Variants in DLG2 observed in about 807,000 individuals in gnomAD.
DLG2 encodes the protein disks large homolog 2.
Under a neutral mutation model 132.5 loss-of-function variants are expected in DLG2, and 45 were observed. That is an observed-to-expected ratio of 0.34 (90% CI 0.27 to 0.44). DLG2 has a LOEUF of 0.44. DLG2 is among the 20% of genes least tolerant of loss of function. DLG2 has a pLI of 1.00. For synonymous variants in DLG2, 424 were observed against 419.6 expected (o/e 1.01, Z -0.13); for missense variants, 1,045 against 1,196.9 (o/e 0.87, Z 1.87).
chr11:83,735,530 G>A lies in DLG2; in HGVS notation c.1825+51160C>T, dbSNP rs187934595. On this transcript the variant is annotated intron_variant, in intron 18 of 27. Transcript: ENST00000376104. ...TTTACCATTATCCCTTCTATTTGTT[G>A]CAGATAATTTTGTTAACTCTTGGTG... Among the ~76,000 whole-genome samples the A allele has an allele frequency of 4.1e-3, 623 of 152,166 alleles. 4 individuals carry two copies. The highest frequency in any genetic ancestry group is 0.012 in the African/African-American group (511 of 41,534).
chr11:84,993,872 T>C (rs1003990204), intron 6 of DLG2, among the ~76,000 whole-genome samples: 4 of 151,962 alleles, frequency 2.6e-5, no homozygotes, highest in African/African-American at 4.8e-5. Context: ...CGTTTATTCA[T>C]CCATCTCCAA....
intron 22 of DLG2, among the ~76,000 whole-genome samples, chr11:83,481,310 A>G (rs2093083044): frequency 6.6e-6 from 1 of 152,098 alleles, no homozygotes; most frequent in South Asian, 2.1e-4. Flanking sequence ...TCGCTCATCC[A>G]TACTGCTTGT....
chr11:84,969,856 T>C (rs564908640), intron 6 of DLG2, among the ~76,000 whole-genome samples: 5 of 152,332 alleles, frequency 3.3e-5, no homozygotes, highest in African/African-American at 1.2e-4. Flanking sequence ...GATGAGTTCA[T>C]GTCCTTTGCA....
chr11:85,527,249 T>C (rs1185460136), intron 3 of DLG2, among the ~76,000 whole-genome samples: 1 of 151,894 alleles, frequency 6.6e-6, no homozygotes. Flanking sequence ...TACATAGATA[T>C]ACATATGCTA....
At chr11:85,572,696 C>T (rs931153833) in intron 3 of DLG2, among the ~76,000 whole-genome samples, 5 of 151,864 alleles carry the variant, frequency 3.3e-5, no homozygotes, top group Non-Finnish European at 5.9e-5. Context: ...CAGGAAACTG[C>T]ACCCATTTGA....
At chr11:85,383,341 G>T (rs1596718532) in intron 3 of DLG2, among the ~76,000 whole-genome samples, 1 of 152,072 alleles carries the variant, frequency 6.6e-6, no homozygotes, top group East Asian at 1.9e-4. Context: ...CTACTAAGGG[G>T]TCTGAGGATC....
chr11:84,578,904 G>A (rs1273777149), intron 6 of DLG2, among the ~76,000 whole-genome samples: 1 of 152,064 alleles, frequency 6.6e-6, no homozygotes, highest in Non-Finnish European at 1.5e-5. Context: ...GCACCCAGGG[G>A]GAGGTAATTG....
At chr11:84,409,594 T>C (rs769298153) in intron 7 of DLG2, among the ~76,000 whole-genome samples, 2 of 152,218 alleles carry the variant, frequency 1.3e-5, no homozygotes, top group African/African-American at 2.4e-5. Context: ...ATTTTAAAGA[T>C]AAAGACAATA....
intron 7 of DLG2, among the ~76,000 whole-genome samples, chr11:84,460,039 C>T (rs1189233823): frequency 2.0e-5 from 3 of 150,556 alleles, no homozygotes; most frequent in African/African-American, 7.3e-5. Context: ...TAGTGTCCTT[C>T]TATTTTAGGT....
intron 16 of DLG2, among the ~76,000 whole-genome samples, chr11:83,857,291 G>A (rs1199817865): frequency 1.3e-5 from 2 of 152,068 alleles, no homozygotes; most frequent in African/African-American, 4.8e-5. Context: ...GATTGTTTTG[G>A]TTATTAAGGA....
chr11:84,881,708 G>T (rs1365680644), intron 6 of DLG2, among the ~76,000 whole-genome samples: 1 of 152,096 alleles, frequency 6.6e-6, no homozygotes, highest in Admixed American at 6.6e-5. Context: ...ATTGCCTCCA[G>T]ATGTAAACCA....
chr11:83,816,660 AC>A (rs746406532), intron 17 of DLG2, among the ~76,000 whole-genome samples: 18 of 152,168 alleles, frequency 1.2e-4, no homozygotes, highest in Non-Finnish European at 2.2e-4. Context: ...AATCACAGAA[AC>A]CACAGCCTAC....
At chr11:85,374,965 AAC>A (rs550374938) in intron 3 of DLG2, among the ~76,000 whole-genome samples, 32 of 150,800 alleles carry the variant, frequency 2.1e-4, no homozygotes, top group African/African-American at 5.3e-4. Flanking sequence ...TTATTCAGCA[AAC>A]ACACACACAC....
intron 27 of DLG2, among the ~76,000 whole-genome samples, chr11:83,460,680 C>A (rs974136759): frequency 2.6e-5 from 4 of 152,130 alleles, no homozygotes; most frequent in Non-Finnish European, 5.9e-5. Context: ...TCAGTATTAT[C>A]CATATGACAC....
chr11:85,562,904 A>C (rs2077333383), intron 3 of DLG2, among the ~76,000 whole-genome samples: 1 of 151,890 alleles, frequency 6.6e-6, no homozygotes, highest in South Asian at 2.1e-4. Context: ...ACACAATGCA[A>C]ACATAGAGAA....
intron 6 of DLG2, among the ~76,000 whole-genome samples, chr11:84,756,407 G>A (rs1056168425): frequency 7.2e-5 from 11 of 152,262 alleles, no homozygotes; most frequent in African/African-American, 1.2e-4. Context: ...TCAAGAGCAC[G>A]AATACACTCA....
chr11:84,468,387 G>A (rs749389408), intron 7 of DLG2, among the ~76,000 whole-genome samples: 9 of 151,328 alleles, frequency 5.9e-5, no homozygotes, highest in South Asian at 2.1e-4. Context: ...CTCTGTTCTA[G>A]TCCTTCCATT....
intron 3 of DLG2, among the ~76,000 whole-genome samples, chr11:85,363,999 T>C (rs951039799): frequency 1.3e-5 from 2 of 152,176 alleles, no homozygotes; most frequent in Non-Finnish European, 1.5e-5. Flanking sequence ...CTATTATTAA[T>C]AGAAGATTTG....
chr11:85,025,927 AG>A (rs1255290327), intron 6 of DLG2, among the ~76,000 whole-genome samples: 2 of 151,956 alleles, frequency 1.3e-5, no homozygotes, highest in Non-Finnish European at 2.9e-5. Context: ...TCTATTTGTT[AG>A]TACATAAAGT....
Sources: allele counts gnomAD v4.1 joint callset (sites outside exome capture counted in the v4.1 genomes callset), GRCh38; gene constraint gnomAD v4.1.1; transcripts MANE v1.5; gene names NCBI Gene and HGNC (gene_info 2026-07-23, HGNC 2026-07-21).